Variants in SERPINA6 observed in about 807,000 individuals in gnomAD.
The protein encoded by SERPINA6 is corticosteroid-binding globulin.
Under a neutral mutation model 26.4 loss-of-function variants are expected in SERPINA6, and 19 were observed. The observed-to-expected ratio is 0.72, with a 90% CI of 0.50 to 1.06. The LOEUF is 1.06. Ranked by LOEUF, SERPINA6 falls within the 50% of genes least tolerant of loss-of-function variation. The probability of loss-of-function intolerance (pLI) is 0.00; values close to 1 mark genes in which losing one functional copy is unlikely to be tolerated. For missense variants in SERPINA6, 473 were observed against 504.0 expected (o/e 0.94, Z 0.59); for synonymous variants, 196 against 199.4 (o/e 0.98, Z 0.14).
At chr14:94,316,362 C>T (rs897763518) in intron 1 of SERPINA6, among the ~76,000 whole-genome samples, 8 of 152,118 alleles carry the variant, frequency 5.3e-5, no homozygotes, top group African/African-American at 1.9e-4. Context: ...CTGTATAGGT[C>T]TGATACATCT....
At position 94,304,355 on chromosome 14, in the gene SERPINA6, C is replaced by A. The variant is rs1895402447; in HGVS notation, c.*63G>T. On this transcript the variant is annotated 3_prime_UTR_variant, in exon 5 of 5. Transcript: ENST00000341584. ...GGGGGAAACCTCCCGCTCTCCAAAA[C>A]ATTTCTGTGGGATCCCTGGTTCCCA... 1 of 1,545,830 alleles carries A rather than the reference C, an allele frequency of 6.5e-7. No individual in the cohort carries two copies. Among genetic ancestry groups the A allele is most frequent in the Admixed American group, 1.7e-5 (1 of 59,958 alleles).
At chr14:94,304,920 G>A (rs981415062) in intron 4 of SERPINA6, among the ~76,000 whole-genome samples, 4 of 152,184 alleles carry the variant, frequency 2.6e-5, no homozygotes, top group African/African-American at 9.7e-5. Flanking sequence ...TGGGGTAGCG[G>A]AGGGAGATCT....
chr14:94,316,480 C>G (rs76087402), intron 1 of SERPINA6, among the ~76,000 whole-genome samples: 1 of 152,152 alleles, frequency 6.6e-6, no homozygotes, highest in Non-Finnish European at 1.5e-5. Flanking sequence ...TGCTGTAGAA[C>G]GATTTCACCC....
At position 94,309,968 on chromosome 14, in the gene SERPINA6, C is replaced by T. The variant is rs2139718591; in HGVS notation, c.652G>A (p.Glu218Lys). The change falls in exon 3 of 5, where the codon GAG (glutamate) becomes AAG (lysine). Residue 218 changes from glutamate to lysine, a missense_variant. Glu to Lys is a moderately conservative substitution (Grantham distance 56). Transcript: ENST00000341584. ...TQPFDLASTR[E>K]ENFYVDETTV... is the part of the protein sequence containing the mutation. ...GTCTCGTCCACATAGAAGTTCTCCT[C>T]CCTGGTGCTTGCCAGGTCAAAGGGC... 4 of 1,614,138 alleles carry T rather than the reference C, an allele frequency of 2.5e-6. No homozygotes were observed. Among genetic ancestry groups the T allele is most frequent in the Non-Finnish European group, 3.4e-6 (4 of 1,180,020 alleles).
chr14:94,316,415 TTTATGTCTGGTTG>T (rs1360831293), intron 1 of SERPINA6, among the ~76,000 whole-genome samples: 1 of 152,198 alleles, frequency 6.6e-6, no homozygotes, highest in Non-Finnish European at 1.5e-5. Flanking sequence ...TCTTACTTAT[TTTATGTCTGGTTG>T]TTCTATCCAT....
At chr14:94,312,932 A>G (rs1313447035) in intron 2 of SERPINA6, among the ~76,000 whole-genome samples, 2 of 152,222 alleles carry the variant, frequency 1.3e-5, no homozygotes, top group Non-Finnish European at 2.9e-5. Context: ...CAGTAGAGAT[A>G]CTGGCTTAGT....
Position 94,314,204 on chromosome 14 carries a change from G to A in SERPINA6, c.445C>T (p.His149Tyr). Residue 149 changes from histidine to tyrosine, a missense_variant, in exon 2 of 5, where the codon CAC becomes TAC. By Grantham distance (83) the His-to-Tyr change is moderately conservative. Transcript: ENST00000341584. ...GCCAAGACCTCTGACTCATAGTAGT[G>A]CTTGATGTCTGCTGAGAATGACTCC... Reference protein sequence around the residue: ...LLESFSADIKHYYESEVLAMN... With the variant: ...LLESFSADIKYYYESEVLAMN... 6.2e-7 allele frequency: 1 copy of A among 1,614,202 alleles called. No individual in the cohort carries two copies. The highest frequency in any genetic ancestry group is 2.2e-5 in the East Asian group (1 of 44,884).
chr14:94,320,723 G>A (rs1409544978), intron 1 of SERPINA6, among the ~76,000 whole-genome samples: 1 of 152,140 alleles, frequency 6.6e-6, no homozygotes, highest in East Asian at 1.9e-4. Flanking sequence ...AATGACAGGT[G>A]GGAACTCCCC....
chr14:94,313,823 G>A (rs998415123), intron 2 of SERPINA6: 12 of 705,102 alleles, frequency 1.7e-5, no homozygotes, highest in Admixed American at 2.0e-5. Flanking sequence ...CAGAATGTAG[G>A]CACATTGTTC....
chr14:94,314,814 C>G, intron 1 of SERPINA6, 147 bp from the exon 2 acceptor site: 2 of 718,184 alleles, frequency 2.8e-6, no homozygotes, highest in Non-Finnish European at 4.8e-6. Flanking sequence ...TCACAGAGGG[C>G]GCTGGACTTC....
At chr14:94,321,689 C>T (rs1203408530) in intron 1 of SERPINA6, among the ~76,000 whole-genome samples, 3 of 152,236 alleles carry the variant, frequency 2.0e-5, no homozygotes, top group Admixed American at 1.3e-4. Context: ...CCTCATCTCC[C>T]TGCCTCATCT....
intron 1 of SERPINA6, among the ~76,000 whole-genome samples, chr14:94,321,266 C>T (rs1895681866): frequency 6.6e-6 from 1 of 152,206 alleles, no homozygotes; most frequent in African/African-American, 2.4e-5. Flanking sequence ...GCAGCTGCAT[C>T]TTTTTAAATT....
chr14:94,304,682 A>G, intron 4 of SERPINA6, 79 bp from the exon 5 acceptor site: 1 of 1,267,604 alleles, frequency 7.9e-7, no homozygotes, highest in Non-Finnish European at 1.1e-6. Context: ...GGGACCCTTC[A>G]CATCCTTGGT....
At chr14:94,306,857 C>T (rs534030936) in intron 3 of SERPINA6, among the ~76,000 whole-genome samples, 20 of 152,354 alleles carry the variant, frequency 1.3e-4, no homozygotes, top group African/African-American at 4.8e-4. Context: ...CGCTTTTTAA[C>T]ATGTCAAGGC....
rs1329264167 is a variant in SERPINA6, at chr14:94,309,806, T to TC, written c.813dup (p.Lys272GlufsTer15). The TC allele has an allele frequency of 6.2e-7, 1 of 1,614,074 alleles. No individual in the cohort carries two copies. The highest frequency in any genetic ancestry group is 1.3e-5 in the African/African-American group (1 of 74,920). On this transcript the variant is annotated frameshift_variant, in exon 3 of 5. Coordinates refer to ENST00000341584, the MANE Select transcript of SERPINA6 (RefSeq NM_001756.4). LOFTEE classifies it high-confidence loss of function. ...AGTGCAGCGATGACTGTGTTCATCTTCCCCTTGTCCGGAAGGATGAAGAAG... is the reference window on the plus strand; with the variant it reads ...AGTGCAGCGATGACTGTGTTCATCTTCCCCCTTGTCCGGAAGGATGAAGAAG...
intron 3 of SERPINA6, 103 bp from the exon 4 acceptor site, chr14:94,306,321 T>G: frequency 9.4e-5 from 108 of 1,146,950 alleles, no homozygotes; most frequent in Non-Finnish European, 1.3e-4. Context: ...CCTCATGCGC[T>G]CCCTCCAGCT....
chr14:94,313,473 A>G, intron 2 of SERPINA6, among the ~76,000 whole-genome samples: 1 of 152,228 alleles, frequency 6.6e-6, no homozygotes, highest in South Asian at 2.1e-4. Flanking sequence ...TGATGAGGGA[A>G]GCAGAGGTGG....
At chr14:94,322,950 G>A (rs1035830314) in intron 1 of SERPINA6, among the ~76,000 whole-genome samples, 2 of 76,410 alleles carry the variant, frequency 2.6e-5, no homozygotes, top group South Asian at 7.0e-4. Context: ...TGTTGTGGCT[G>A]TTGTGGCTAT....
chr14:94,306,432 G>A (rs554436784), intron 3 of SERPINA6, among the ~76,000 whole-genome samples: 37 of 152,310 alleles, frequency 2.4e-4, no homozygotes, highest in African/African-American at 8.9e-4. Flanking sequence ...TTTCCCACGG[G>A]GCCTCTGAAT....
Sources: allele counts gnomAD v4.1 joint callset (sites outside exome capture counted in the v4.1 genomes callset), GRCh38; gene constraint gnomAD v4.1.1; transcripts MANE v1.5; gene names NCBI Gene and HGNC (gene_info 2026-07-23, HGNC 2026-07-21).